Variants in POLDIP3 observed in about 807,000 individuals in gnomAD.
POLDIP3 encodes DNA polymerase delta interacting protein 3.
POLDIP3 carries 14 observed loss-of-function variants against 45.1 expected under a neutral mutation model. That is an observed-to-expected ratio of 0.31 (90% CI 0.20 to 0.49). The LOEUF is 0.49. Ranked by LOEUF, POLDIP3 falls within the 20% of genes least tolerant of loss-of-function variation. POLDIP3 has a pLI of 0.99. For missense variants in POLDIP3, 511 were observed against 538.8 expected (o/e 0.95, Z 0.51); for synonymous variants, 223 against 205.2 (o/e 1.09, Z -0.74).
At chr22:42,593,603 C>CA (rs1214197372) in intron 6 of POLDIP3, among the ~76,000 whole-genome samples, 5 of 152,204 alleles carry the variant, frequency 3.3e-5, no homozygotes, top group Non-Finnish European at 5.9e-5. Context: ...CTGCAACTTT[C>CA]ACCTCCCAGG....
intron 2 of POLDIP3, 35 bp downstream of exon 2, chr22:42,602,735 C>A: frequency 6.4e-7 from 1 of 1,557,302 alleles, no homozygotes; most frequent in Admixed American, 1.9e-5. Context: ...TTGTTACTAG[C>A]TTTCTGGGAA....
chr22:42,602,664 A>G lies in POLDIP3; in HGVS notation c.450+106T>C. The G allele has an allele frequency of 3.8e-6, 5 of 1,313,524 alleles. No individual in the cohort carries two copies. The East Asian group carries it at 9.3e-5, about 24-fold the overall frequency. 81.4% of individuals were successfully genotyped at this position (1,313,524 alleles called of 1,614,324 possible). A position where few individuals can be genotyped will look rare whatever the true frequency, so the allele number is the denominator to read the frequency against. ...AAGGAGCAAAGTCTGTATTATGCCA[A>G]CACTTGAGAGGATAGTATTTTTGCC... On this transcript the variant is annotated intron_variant, in intron 2 of 8. Coordinates refer to ENST00000252115, the MANE Select transcript of POLDIP3 (RefSeq NM_032311.5).
intron 6 of POLDIP3, among the ~76,000 whole-genome samples, chr22:42,592,366 C>T (rs1925721139): frequency 6.6e-6 from 1 of 152,244 alleles, no homozygotes; most frequent in South Asian, 2.1e-4. Context: ...CCCACCTCAA[C>T]AGGGATAAAA....
At chr22:42,605,730 A>G (rs183478806) in intron 1 of POLDIP3, among the ~76,000 whole-genome samples, 2 of 152,216 alleles carry the variant, frequency 1.3e-5, no homozygotes, top group East Asian at 3.9e-4. Context: ...TTAGAAAGAA[A>G]TGGTTGTATG....
chr22:42,605,423 G>A (rs1601903828), intron 1 of POLDIP3, among the ~76,000 whole-genome samples: 1 of 152,240 alleles, frequency 6.6e-6, no homozygotes, highest in African/African-American at 2.4e-5. Context: ...ACTGCGCCCG[G>A]CAGTTTCTGT....
chr22:42,607,589 C>A (rs1416157680), intron 1 of POLDIP3, among the ~76,000 whole-genome samples: 3 of 150,440 alleles, frequency 2.0e-5, no homozygotes, highest in African/African-American at 7.4e-5. Flanking sequence ...ATGTGAGGAG[C>A]CCCTCTGCCC....
rs1393248077 is a variant in POLDIP3, at chr22:42,585,374, T to TA, written c.*416dup. On this transcript the variant is annotated 3_prime_UTR_variant, in exon 9 of 9. Coordinates refer to ENST00000252115, the MANE Select transcript of POLDIP3 (RefSeq NM_032311.5). ...CCCCTCCATTGTTTGAAAAGCTTAA[T>TA]ACACACAAAGGAAAGGCAGCCCCTC... 4 of 411,220 alleles carry TA rather than the reference T, an allele frequency of 9.7e-6. No individual in the cohort carries two copies. Among genetic ancestry groups the TA allele is most frequent in the Admixed American group, 2.9e-5 (1 of 34,436 alleles). 25.5% of individuals were successfully genotyped at this position (411,220 alleles called of 1,614,324 possible).
intron 5 of POLDIP3, 25 bp downstream of exon 5, chr22:42,596,153 CCCCAACTG>C (rs1329885749): frequency 6.2e-7 from 1 of 1,608,860 alleles, no homozygotes; most frequent in Non-Finnish European, 8.5e-7. Context: ...GCCCTCCTGA[CCCCAACTG>C]CTGCAGTCAC....
chr22:42,591,904 G>GC, intron 7 of POLDIP3, 51 bp downstream of exon 7: 1 of 1,610,162 alleles, frequency 6.2e-7, no homozygotes, highest in Non-Finnish European at 8.5e-7. Flanking sequence ...CTACCTGACA[G>GC]CAAGTAGAGA....
At chr22:42,611,170 T>C (rs975550315) in intron 1 of POLDIP3, among the ~76,000 whole-genome samples, 2 of 152,218 alleles carry the variant, frequency 1.3e-5, no homozygotes, top group Non-Finnish European at 2.9e-5. Flanking sequence ...CTTTTTTCTT[T>C]CTTTTTTAAA....
intron 7 of POLDIP3, among the ~76,000 whole-genome samples, chr22:42,590,699 T>G (rs1216874238): frequency 2.0e-5 from 3 of 152,234 alleles, no homozygotes; most frequent in African/African-American, 7.2e-5. Flanking sequence ...ATCACTTATC[T>G]GATAAGGGAC....
rs2146798731 is a variant in POLDIP3, at chr22:42,587,374, G to A, written c.1088+132C>T. 3 of 948,658 alleles carry A rather than the reference G, an allele frequency of 3.2e-6. No homozygotes were observed. The South Asian group carries it at 4.6e-5, about 15-fold the overall frequency. The allele number at this position is 948,658 out of a possible 1,614,324, so 58.8% of individuals were successfully genotyped here. On this transcript the variant is annotated intron_variant, in intron 8 of 8. Transcript: ENST00000252115. ...TGGTCAAGTTTAAGCATATGAAACG[G>A]CCAGCTGCCATTAGAACAGAGGAAA...
chr22:42,583,896 G>A lies in POLDIP3; in HGVS notation c.*1895C>T, dbSNP rs1925124068. 1 of 152,454 alleles carries A rather than the reference G, an allele frequency of 6.6e-6. No homozygotes were observed. Among genetic ancestry groups the A allele is most frequent in the African/African-American group, 2.4e-5 (1 of 41,378 alleles). The allele number at this position is 152,454 out of a possible 1,614,324, so 9.4% of individuals were successfully genotyped here. ...CCTTCTCCTCCCGGTCTCCCAAGAT[G>A]ACTGCTTATAGAGTGGAGGAGGCAA... On this transcript the variant is annotated 3_prime_UTR_variant, in exon 9 of 9. Transcript: ENST00000252115.
chr22:42,610,021 A>G (rs1927024252), intron 1 of POLDIP3, among the ~76,000 whole-genome samples: 1 of 152,114 alleles, frequency 6.6e-6, no homozygotes, highest in Non-Finnish European at 1.5e-5. Context: ...AAAAATACAA[A>G]AAATTAGCCG....
chr22:42,586,069 G>A (rs759645628), intron 8 of POLDIP3, 101 bp from the exon 9 acceptor site: 33 of 1,121,354 alleles, frequency 2.9e-5, no homozygotes, highest in Non-Finnish European at 4.1e-5. Context: ...TAGGCACTGG[G>A]TGTAACACTT....
intron 6 of POLDIP3, among the ~76,000 whole-genome samples, chr22:42,594,293 T>C (rs543456315): frequency 4.2e-4 from 64 of 151,584 alleles, no homozygotes; most frequent in African/African-American, 1.3e-3. Flanking sequence ...GGTGGATCAT[T>C]TGAGGTCACG....
At position 42,608,259 on chromosome 22, in the gene POLDIP3, C is replaced by CT. The variant is rs1219446583; in HGVS notation, c.60-5100_60-5099insA. 2.0e-3 allele frequency among the ~76,000 whole-genome samples: 265 copies of CT among 130,764 alleles called. 4 individuals are homozygous for CT. Among genetic ancestry groups the CT allele is most frequent in the African/African-American group, 7.9e-3 (252 of 31,846 alleles). The allele number at this position is 130,764 out of a possible 152,430, so 85.8% of individuals were successfully genotyped here. A position where few individuals can be genotyped will look rare whatever the true frequency, so the allele number is the denominator to read the frequency against. On this transcript the variant is annotated intron_variant, in intron 1 of 8. Coordinates refer to ENST00000252115, the MANE Select transcript of POLDIP3 (RefSeq NM_032311.5). ...GCTGTTAATCTATAACCTTACCCCC[C>CT]CCCCCAAAAAAAAATTAGCTGCAAG...
At chr22:42,588,527 ATAATC>A (rs1925461728) in intron 7 of POLDIP3, among the ~76,000 whole-genome samples, 1 of 151,976 alleles carries the variant, frequency 6.6e-6, no homozygotes, top group African/African-American at 2.4e-5. Context: ...AATGGATTAA[ATAATC>A]CAATCCAAAG....
Position 42,585,571 on chromosome 22 carries a change from G to A in POLDIP3, c.*220C>T, listed in dbSNP as rs778549181. 7 of 561,054 alleles carry A rather than the reference G, an allele frequency of 1.2e-5. No individual in the cohort carries two copies. Among genetic ancestry groups the A allele is most frequent in the Non-Finnish European group, 2.2e-5 (7 of 317,012 alleles). The allele number at this position is 561,054 out of a possible 1,614,324, so 34.8% of individuals were successfully genotyped here. On this transcript the variant is annotated 3_prime_UTR_variant, in exon 9 of 9. Transcript: ENST00000252115. The stretch of plus-strand genomic sequence containing the variant: ...CACAAGCCTACCTTGGCGATGAGAT[G>A]AAGAAACATACTACAGGAAACGTTA...
Sources: allele counts gnomAD v4.1 joint callset (sites outside exome capture counted in the v4.1 genomes callset), GRCh38; gene constraint gnomAD v4.1.1; transcripts MANE v1.5; gene names NCBI Gene and HGNC (gene_info 2026-07-23, HGNC 2026-07-21).